Variants in KCNQ4 observed in about 807,000 individuals in gnomAD.
The protein encoded by KCNQ4 is potassium voltage-gated channel subfamily KQT member 4.
KCNQ4 carries 31 observed loss-of-function variants against 72.6 expected under a neutral mutation model. The ratio of observed to expected loss-of-function variants is 0.43; its 90% CI spans 0.32 to 0.58. The LOEUF (loss-of-function observed/expected upper bound fraction) is 0.58. Ranked by LOEUF, KCNQ4 falls within the 20% of genes least tolerant of loss-of-function variation. The pLI, the probability that KCNQ4 is intolerant of heterozygous loss-of-function variation, is 0.08. For missense variants in KCNQ4, 869 were observed against 962.6 expected (o/e 0.90, Z 1.29); for synonymous variants, 405 against 403.7 (o/e 1.00, Z -0.04).
chr1:40,787,891 G>A (rs1331571214), intron 1 of KCNQ4, among the ~76,000 whole-genome samples: 1 of 152,182 alleles, frequency 6.6e-6, no homozygotes, highest in Non-Finnish European at 1.5e-5. Flanking sequence ...AGGGGGCTGA[G>A]CAAGACCCTA....
At position 40,809,652 on chromosome 1, in the gene KCNQ4, C is replaced by T. The variant is rs187523426; in HGVS notation, c.315-7613C>T. On this transcript the variant is annotated intron_variant, in intron 1 of 13. Coordinates refer to ENST00000347132, the MANE Select transcript of KCNQ4 (RefSeq NM_004700.4). ...GGGCCAGGCCACAGTCATCTGTCGTCTGAGCTATTGTGGAGCTTTCTTGGT... is the reference window on the plus strand; with the variant it reads ...GGGCCAGGCCACAGTCATCTGTCGTTTGAGCTATTGTGGAGCTTTCTTGGT... Among the ~76,000 whole-genome samples, 7 of 152,232 alleles carry T rather than the reference C, an allele frequency of 4.6e-5. No homozygotes were observed. In the South Asian group the frequency reaches 1.4e-3, roughly 31 times the overall value.
At chr1:40,803,377 G>A (rs531203024) in intron 1 of KCNQ4, among the ~76,000 whole-genome samples, 1 of 152,296 alleles carries the variant, frequency 6.6e-6, no homozygotes, top group Admixed American at 6.5e-5. Context: ...TGGTGGCGGA[G>A]TCAGGAGACA....
At position 40,835,245 on chromosome 1, in the gene KCNQ4, C is replaced by G; in HGVS notation, c.1745+147C>G. The G allele has an allele frequency of 1.9e-6, 2 of 1,067,234 alleles. 1 individual carries two copies. The highest frequency in any genetic ancestry group is 3.2e-5 in the South Asian group (2 of 61,984). 66.1% of individuals were successfully genotyped at this position (1,067,234 alleles called of 1,614,324 possible). On this transcript the variant is annotated intron_variant, in intron 12 of 13. Coordinates refer to ENST00000347132, the MANE Select transcript of KCNQ4 (RefSeq NM_004700.4). ...CTGAGGAGGTCCCTGGCTTGCAGTG[C>G]CAGCCTGAGGCCAGACCCAGCACCC...
chr1:40,828,657 C>G (rs767469384), intron 9 of KCNQ4, among the ~76,000 whole-genome samples: 1 of 152,220 alleles, frequency 6.6e-6, no homozygotes, highest in South Asian at 2.1e-4. Flanking sequence ...GCCCACCACA[C>G]ACAGTGGCTG....
chr1:40,826,000 G>A (rs1008837111), intron 9 of KCNQ4, among the ~76,000 whole-genome samples: 14 of 152,308 alleles, frequency 9.2e-5, no homozygotes, highest in Middle Eastern at 3.4e-3. Flanking sequence ...ACAGGGTGAT[G>A]GTAGTAAAGT....
At chr1:40,816,323 G>C (rs1041809556) in intron 1 of KCNQ4, among the ~76,000 whole-genome samples, 1 of 152,142 alleles carries the variant, frequency 6.6e-6, no homozygotes, top group Non-Finnish European at 1.5e-5. Context: ...TGCTGTGTCT[G>C]CAGCCTGTGA....
At chr1:40,814,540 CA>C (rs1648027851) in intron 1 of KCNQ4, among the ~76,000 whole-genome samples, 1 of 151,892 alleles carries the variant, frequency 6.6e-6, no homozygotes, top group African/African-American at 2.4e-5. Context: ...CCCATCTCTA[CA>C]AAAAATTTAA....
intron 1 of KCNQ4, among the ~76,000 whole-genome samples, chr1:40,786,463 C>T (rs1235767236): frequency 6.6e-6 from 1 of 152,184 alleles, no homozygotes; most frequent in African/African-American, 2.4e-5. Flanking sequence ...AATGCCCTCG[C>T]CAGGGCCGTG....
intron 1 of KCNQ4, among the ~76,000 whole-genome samples, chr1:40,789,439 T>G (rs765544014): frequency 3.4e-4 from 51 of 152,166 alleles, no homozygotes; most frequent in Non-Finnish European, 1.0e-4. Context: ...AGTCTTTGAG[T>G]GTGACCCAAA....
chr1:40,795,979 T>A (rs1647397847), intron 1 of KCNQ4, among the ~76,000 whole-genome samples: 1 of 152,134 alleles, frequency 6.6e-6, no homozygotes, highest in Non-Finnish European at 1.5e-5. Context: ...TTATCCCCAT[T>A]GGATGGAAGA....
Position 40,831,176 on chromosome 1 carries a change from C to G in KCNQ4, c.1385C>G (p.Pro462Arg). The change falls in exon 10 of 14, where the codon CCC (proline) becomes CGC (arginine). Residue 462 changes from proline (P) to arginine (R), a missense_variant. Transcript: ENST00000347132. ...CAGCATCTGGCACCTCCAACAATGC[C>G]CACCTCCCCAAGCAGCGAGCAGGTG... ...SKQHLAPPTM[P>R]TSPSSEQVGE... 1 of 1,611,296 alleles carries G rather than the reference C, an allele frequency of 6.2e-7. No individual in the cohort carries two copies. The highest frequency in any genetic ancestry group is 1.3e-5 in the African/African-American group (1 of 75,004).
chr1:40,824,131 G>A lies in KCNQ4; in HGVS notation c.1165G>A (p.Ala389Thr), dbSNP rs1458459083. ...LALLFEHVQRARNGGLRPLEV... is the reference protein window; with the variant it reads ...LALLFEHVQRTRNGGLRPLEV... ...CCTCTTGTTTGAGCACGTGCAACGGGCCCGCAATGGGGGCCTACGGCCCCT... is the reference window on the plus strand; with the variant it reads ...CCTCTTGTTTGAGCACGTGCAACGGACCCGCAATGGGGGCCTACGGCCCCT... The change falls in exon 9 of 14, where the codon GCC becomes ACC. Residue 389 changes from alanine to threonine, a missense_variant. Physicochemically the swap from Ala to Thr is moderately conservative, Grantham distance 58 (BLOSUM62 0). This residue lies in a region of KCNQ4 where 480 missense variants were observed against 501.9 expected (regional missense o/e 0.96). Transcript: ENST00000347132. 1.3e-6 allele frequency: 2 copies of A among 1,560,984 alleles called. No individual in the cohort carries two copies. Among genetic ancestry groups the A allele is most frequent in the Non-Finnish European group, 1.7e-6 (2 of 1,153,204 alleles).
intron 11 of KCNQ4, among the ~76,000 whole-genome samples, chr1:40,834,025 TAAAATC>T (rs577798324): frequency 3.5e-4 from 53 of 151,726 alleles, no homozygotes; most frequent in African/African-American, 1.3e-3. Context: ...GATAAATAGA[TAAAATC>T]AGAGTCAGCT....
In KCNQ4 at chr1:40,834,967, G is replaced by A. The variant is rs1385928018; in HGVS notation, c.1614G>A (p.Arg538=). ...CCCTCTGAGCCCCCTCCCCCAACAGGATTCTCAAGTTCCTGGTGGCCAAAA... is the reference window on the plus strand; with the variant it reads ...CCCTCTGAGCCCCCTCCCCCAACAGAATTCTCAAGTTCCTGGTGGCCAAAA... ...PAVKTVIRSI[R]ILKFLVAKRK... is the part of the protein sequence containing the mutation. Residue 538 remains arginine, a splice_region_variant and synonymous_variant, in exon 12 of 14, where the codon AGG becomes AGA. Transcript: ENST00000347132. 4 of 1,613,458 alleles carry A rather than the reference G, an allele frequency of 2.5e-6. No homozygotes were observed. The highest frequency in any genetic ancestry group is 2.2e-5 in the South Asian group (2 of 91,064).
At position 40,833,075 on chromosome 1, in the gene KCNQ4, C is replaced by T; in HGVS notation, c.1575C>T (p.Asp525=). ...ACCAGTGTGAGCTCACGGTGGACGA[C>T]ATCATGCCTGCTGTGAAGACAGTCA... ...KSYQCELTVD[D]IMPAVKTVIR... Residue 525 remains aspartate (D), a synonymous_variant, in exon 11 of 14, where the codon GAC becomes GAT. Coordinates refer to ENST00000347132, the MANE Select transcript of KCNQ4 (RefSeq NM_004700.4). The T allele has an allele frequency of 6.2e-7, 1 of 1,613,128 alleles. No individual in the cohort carries two copies. Among genetic ancestry groups the T allele is most frequent in the Non-Finnish European group, 8.5e-7 (1 of 1,179,994 alleles).
intron 1 of KCNQ4, among the ~76,000 whole-genome samples, chr1:40,786,250 GC>G (rs1647201542): frequency 1.3e-5 from 2 of 152,182 alleles, no homozygotes; most frequent in South Asian, 4.1e-4. Context: ...GCCTGGGGAA[GC>G]CAATAGGGCT....
intron 4 of KCNQ4, 71 bp from the exon 5 acceptor site, chr1:40,819,276 C>T (rs1648204014): frequency 1.9e-6 from 3 of 1,582,462 alleles, no homozygotes; most frequent in South Asian, 1.1e-5. Flanking sequence ...ATCCCTTTCC[C>T]GTGTGGAAGC....
intron 1 of KCNQ4, among the ~76,000 whole-genome samples, chr1:40,792,648 G>A (rs75570455): frequency 0.013 from 1,907 of 152,208 alleles, 59 homozygotes; most frequent in African/African-American, 0.044. Context: ...TCCAGCCTCT[G>A]GGGATTGGTG....
chr1:40,796,315 T>C (rs529204656), intron 1 of KCNQ4, among the ~76,000 whole-genome samples: 143 of 152,270 alleles, frequency 9.4e-4, no homozygotes, highest in African/African-American at 3.3e-3. Context: ...ATAACAAAGA[T>C]AATACTAGCA....
Sources: gnomAD v4.1 joint callset for allele counts (sites outside exome capture counted in the v4.1 genomes callset) on GRCh38, gnomAD v4.1.1 for gene constraint, gnomAD v4.1.1 regional missense constraint, MANE v1.5 for transcripts, NCBI Gene and HGNC (gene_info 2026-07-23, HGNC 2026-07-21) for gene names.